The following OLFM3 variants were observed in gnomAD, a reference collection of about 807,000 sequenced individuals.
The protein encoded by OLFM3 is noelin-3.
In OLFM3, 20 loss-of-function variants were observed where a neutral mutation model predicts 48.6. The observed-to-expected ratio is 0.41, with a 90% CI of 0.29 to 0.60. The LOEUF is 0.60. OLFM3 is among the 20% of genes least tolerant of loss of function. The probability of loss-of-function intolerance (pLI) is 0.28; values close to 1 mark genes in which losing one functional copy is unlikely to be tolerated. For synonymous variants in OLFM3, 222 were observed against 198.1 expected (o/e 1.12, Z -1.01); for missense variants, 437 against 544.3 (o/e 0.80, Z 1.96).
chr1:101,811,632 A>G (rs1383233012), intron 4 of OLFM3, among the ~76,000 whole-genome samples: 1 of 152,216 alleles, frequency 6.6e-6, no homozygotes, highest in African/African-American at 2.4e-5. Context: ...CAAAACCACA[A>G]TGAGATACTA....
At chr1:101,974,731 A>C (rs1660901508) in intron 1 of OLFM3, among the ~76,000 whole-genome samples, 1 of 152,122 alleles carries the variant, frequency 6.6e-6, no homozygotes, top group Non-Finnish European at 1.5e-5. Flanking sequence ...TGTGGCAGAC[A>C]GCTTGCAAAT....
chr1:101,909,240 A>T (rs533810065), intron 1 of OLFM3, among the ~76,000 whole-genome samples: 11 of 151,984 alleles, frequency 7.2e-5, no homozygotes, highest in African/African-American at 2.4e-4. Flanking sequence ...GGTATTGCAG[A>T]TCTAAGGACT....
At chr1:101,967,616 G>GAAAAAAAAAAAAAAAAAAAAA (rs1660653331) in intron 1 of OLFM3, among the ~76,000 whole-genome samples, 2 of 73,360 alleles carry the variant, frequency 2.7e-5, no homozygotes, top group Non-Finnish European at 5.5e-5. Flanking sequence ...AAAAAAAAAG[G>GAAAAAAAAAAAAAAAAAAAAA]AATAACTGGA....
chr1:101,844,947 C>T (rs1415121469), intron 1 of OLFM3, among the ~76,000 whole-genome samples: 1 of 152,076 alleles, frequency 6.6e-6, no homozygotes, highest in Non-Finnish European at 1.5e-5. Context: ...TCATTCTTCA[C>T]CCCGGGAATC....
At chr1:101,930,874 C>T (rs1659424911) in intron 1 of OLFM3, among the ~76,000 whole-genome samples, 1 of 152,160 alleles carries the variant, frequency 6.6e-6, no homozygotes, top group African/African-American at 2.4e-5. Context: ...GCAATCAATT[C>T]TGTGTTAGCT....
rs145527937 is a variant in OLFM3 at position 101,990,356 on chromosome 1, A to C, written c.69+6392T>G. 2.1e-3 allele frequency among the ~76,000 whole-genome samples: 322 copies of C among 152,324 alleles called. 3 individuals carry two copies. In the South Asian group the frequency reaches 0.027, roughly 13 times the overall value. On this transcript the variant is annotated intron_variant, in intron 1 of 5. Coordinates refer to ENST00000370103, the MANE Select transcript of OLFM3 (RefSeq NM_058170.4). The stretch of plus-strand genomic sequence containing the variant: ...AACGTGATAAGCCTTTTTTATTATT[A>C]GGAGTCCTTAATATATGGTCCGCAA...
At chr1:101,965,260 C>A (rs1240949981) in intron 1 of OLFM3, among the ~76,000 whole-genome samples, 6 of 152,134 alleles carry the variant, frequency 3.9e-5, no homozygotes, top group Non-Finnish European at 8.8e-5. Flanking sequence ...CTAACGGGAA[C>A]TAACCTTCAG....
intron 1 of OLFM3, among the ~76,000 whole-genome samples, chr1:101,983,279 T>C (rs1661149960): frequency 6.6e-6 from 1 of 152,222 alleles, no homozygotes; most frequent in Admixed American, 6.5e-5. Context: ...TTTACTGGAA[T>C]ATCTTTTCAT....
intron 1 of OLFM3, among the ~76,000 whole-genome samples, chr1:101,938,234 C>T (rs145228993): frequency 6.6e-5 from 10 of 152,272 alleles, no homozygotes; most frequent in Admixed American, 2.0e-4. Flanking sequence ...CTTTCTATTT[C>T]GCTGAGCCCT....
In OLFM3 at chr1:101,830,699, T is replaced by C. The variant is rs1299832330; in HGVS notation, c.345A>G (p.Arg115=). Residue 115 remains arginine, a synonymous_variant, in exon 3 of 6, where the codon CGA becomes CGG. Transcript: ENST00000370103. ...GAAAATGCTTGGTCATAAGTGTCTT[T>C]CGATCATCTTCAATCTGCCGAAATT... ...KAKFRQIEDD[R]KTLMTKHFQE... The C allele has an allele frequency of 1.9e-6, 3 of 1,614,092 alleles. No homozygotes were observed. Among genetic ancestry groups the C allele is most frequent in the Non-Finnish European group, 2.5e-6 (3 of 1,180,042 alleles).
At chr1:101,818,034 A>G (rs1309513169) in intron 4 of OLFM3, among the ~76,000 whole-genome samples, 4 of 152,136 alleles carry the variant, frequency 2.6e-5, no homozygotes, top group African/African-American at 9.6e-5. Flanking sequence ...AATAATATGA[A>G]CATTCTAAAT....
chr1:101,853,522 C>T (rs1656301200), intron 1 of OLFM3, among the ~76,000 whole-genome samples: 1 of 152,050 alleles, frequency 6.6e-6, no homozygotes, highest in African/African-American at 2.4e-5. Context: ...AAATCAAGCT[C>T]CATGAGGGAG....
At chr1:101,981,988 G>A (rs1661117989) in intron 1 of OLFM3, among the ~76,000 whole-genome samples, 1 of 152,056 alleles carries the variant, frequency 6.6e-6, no homozygotes, top group South Asian at 2.1e-4. Context: ...AGCCCAAGAT[G>A]AATAAACATT....
At chr1:101,876,267 C>T (rs1301178688) in intron 1 of OLFM3, among the ~76,000 whole-genome samples, 2 of 151,880 alleles carry the variant, frequency 1.3e-5, no homozygotes, top group Non-Finnish European at 2.9e-5. Context: ...GAGTGCAAAC[C>T]ATACTAAAGG....
intron 1 of OLFM3, among the ~76,000 whole-genome samples, chr1:101,948,151 A>G (rs1660015996): frequency 6.6e-6 from 1 of 152,196 alleles, no homozygotes; most frequent in South Asian, 2.1e-4. Context: ...AAAAAATACA[A>G]TTACTGATAA....
At chr1:101,996,146 A>T (rs965620325) in intron 1 of OLFM3, among the ~76,000 whole-genome samples, 3 of 152,120 alleles carry the variant, frequency 2.0e-5, no homozygotes, top group Non-Finnish European at 2.9e-5. Flanking sequence ...GAACTTCCTC[A>T]GTGCCCCCTA....
chr1:101,930,150 A>T (rs1227919429), intron 1 of OLFM3, among the ~76,000 whole-genome samples: 1 of 152,156 alleles, frequency 6.6e-6, no homozygotes, highest in Non-Finnish European at 1.5e-5. Context: ...GACTGCTGAA[A>T]TCTCTTCAGG....
At chr1:101,960,352 C>T (rs1660430990) in intron 1 of OLFM3, among the ~76,000 whole-genome samples, 1 of 152,168 alleles carries the variant, frequency 6.6e-6, no homozygotes, top group African/African-American at 2.4e-5. Context: ...TCTGCAGTGA[C>T]TGCAACATGC....
intron 4 of OLFM3, among the ~76,000 whole-genome samples, chr1:101,811,715 A>G (rs1219880424): frequency 2.0e-5 from 3 of 152,196 alleles, no homozygotes; most frequent in African/African-American, 7.2e-5. Flanking sequence ...GTGGAGAAAT[A>G]GGAACATTTT....
Sources: allele counts gnomAD v4.1 joint callset (sites outside exome capture counted in the v4.1 genomes callset), GRCh38; gene constraint gnomAD v4.1.1; transcripts MANE v1.5; gene names NCBI Gene and HGNC (gene_info 2026-07-23, HGNC 2026-07-21).